Variants in LARGE1 observed in about 807,000 individuals in gnomAD.
LARGE1 encodes xylosyl- and glucuronyltransferase LARGE1.
In LARGE1, 43 loss-of-function variants were observed where a neutral mutation model predicts 87.6. The observed-to-expected ratio is 0.49, with a 90% CI of 0.38 to 0.63. The LOEUF (loss-of-function observed/expected upper bound fraction) is 0.63, where lower values mean the gene tolerates loss of function less well. LARGE1 is among the 30% of genes least tolerant of loss of function. The pLI is 0.00. For missense variants in LARGE1, 802 were observed against 1,000.2 expected, an observed-to-expected ratio of 0.80 and a Z score of 2.67; for synonymous variants, 434 against 394.6, an observed-to-expected ratio of 1.10 and a Z score of -1.18.
chr22:33,499,218 G>C (rs1267530984), intron 6 of LARGE1, among the ~76,000 whole-genome samples: 2 of 152,156 alleles, frequency 1.3e-5, no homozygotes, highest in East Asian at 3.9e-4. Context: ...CCCTGAACAG[G>C]ATTCGCCAAA....
chr22:33,613,446 G>A (rs558232114), intron 4 of LARGE1, among the ~76,000 whole-genome samples: 4 of 152,142 alleles, frequency 2.6e-5, no homozygotes, highest in Admixed American at 6.5e-5. Context: ...CATCCCACAG[G>A]TCCCTGGGAA....
At chr22:33,634,359 TGCCG>T (rs1238636561) in intron 3 of LARGE1, among the ~76,000 whole-genome samples, 1 of 152,196 alleles carries the variant, frequency 6.6e-6, no homozygotes, top group Non-Finnish European at 1.5e-5. Flanking sequence ...ACACTGCTGC[TGCCG>T]GCCCAGGGAC....
At chr22:33,291,975 T>G (rs931487987) in intron 12 of LARGE1, among the ~76,000 whole-genome samples, 1 of 152,122 alleles carries the variant, frequency 6.6e-6, no homozygotes, top group African/African-American at 2.4e-5. Context: ...ACACCTATAA[T>G]CTCAGCTACG....
intron 1 of LARGE1, among the ~76,000 whole-genome samples, chr22:33,847,452 AAC>A (rs1199971031): frequency 4.6e-5 from 7 of 152,256 alleles, no homozygotes; most frequent in Non-Finnish European, 7.3e-5. Context: ...ACATGGGAGT[AAC>A]AGTTTTTTAA....
chr22:33,483,878 A>G (rs1017107894), intron 6 of LARGE1, among the ~76,000 whole-genome samples: 1 of 152,154 alleles, frequency 6.6e-6, no homozygotes, highest in African/African-American at 2.4e-5. Context: ...TTCCCCATGC[A>G]TCTCATCAGC....
chr22:33,450,888 C>T (rs548031575), intron 6 of LARGE1, among the ~76,000 whole-genome samples: 3 of 152,262 alleles, frequency 2.0e-5, no homozygotes, highest in South Asian at 2.1e-4. Context: ...CTGGACGGAT[C>T]CTGGCTTTGT....
intron 1 of LARGE1, among the ~76,000 whole-genome samples, chr22:33,852,860 AAAAAAAAAAAAAAAAAAAAG>A (rs2063640718): frequency 9.5e-6 from 1 of 105,486 alleles, no homozygotes; most frequent in African/African-American, 4.1e-5. Flanking sequence ...CGTCTCCAAA[AAAAAAAAAAAAAAAAAAAAG>A]AAAGAAAGAA....
the LARGE1 span, among the ~76,000 whole-genome samples, chr22:33,124,775 G>T: frequency 6.6e-6 from 1 of 152,288 alleles, no homozygotes; most frequent in Admixed American, 6.5e-5. Context: ...GCCCAGGCAG[G>T]AAGATTGCTT....
chr22:33,671,113 C>T (rs536219871), intron 2 of LARGE1, among the ~76,000 whole-genome samples: 2 of 152,304 alleles, frequency 1.3e-5, no homozygotes, highest in East Asian at 3.9e-4. Flanking sequence ...ACAAGTGGAT[C>T]AGATTCCAGA....
At chr22:33,290,440 T>C (rs1373940090) in intron 12 of LARGE1, among the ~76,000 whole-genome samples, 1 of 152,138 alleles carries the variant, frequency 6.6e-6, no homozygotes, top group Non-Finnish European at 1.5e-5. Flanking sequence ...TAACATGGAA[T>C]ATCTATAAAA....
chr22:33,584,186 G>A (rs193146787), intron 5 of LARGE1, among the ~76,000 whole-genome samples: 2 of 152,324 alleles, frequency 1.3e-5, no homozygotes, highest in African/African-American at 4.8e-5. Flanking sequence ...AGCAGGTAAA[G>A]GAGTTTTGCT....
chr22:33,454,646 A>G (rs906241895), intron 6 of LARGE1, among the ~76,000 whole-genome samples: 1 of 151,476 alleles, frequency 6.6e-6, no homozygotes, highest in African/African-American at 2.4e-5. Flanking sequence ...GAAGAAGAAG[A>G]AAAGAGGTTT....
rs144033780 is a variant in LARGE1, at chr22:33,288,846, C to G, written c.1731-5498G>C. On this transcript the variant is annotated intron_variant, in intron 12 of 14. Transcript: ENST00000397394. ...TCTGACTCCTCTTTGCAGACCAGCT[C>G]CAGTCCCTGCCTATGCACAGGTTCA... 9.1e-3 allele frequency among the ~76,000 whole-genome samples: 1,382 copies of G among 152,262 alleles called. 21 individuals are homozygous for G. The highest frequency in any genetic ancestry group is 0.054 in the South Asian group (259 of 4,812).
intron 6 of LARGE1, among the ~76,000 whole-genome samples, chr22:33,507,542 G>A (rs889662396): frequency 1.3e-5 from 2 of 152,168 alleles, no homozygotes. Context: ...GCTACCAGAA[G>A]CTGGGGGAGG....
intron 9 of LARGE1, among the ~76,000 whole-genome samples, chr22:33,354,002 A>T (rs985190699): frequency 2.0e-5 from 3 of 152,254 alleles, no homozygotes; most frequent in Admixed American, 1.3e-4. Context: ...AGAGGTGGCA[A>T]TGAAAATCTG....
intron 9 of LARGE1, among the ~76,000 whole-genome samples, chr22:33,348,268 G>A (rs896859431): frequency 7.4e-5 from 7 of 94,972 alleles, no homozygotes; most frequent in African/African-American, 1.7e-4. Context: ...CTCTGTCCCC[G>A]CTCCCCCACC....
chr22:33,685,829 A>G (rs1352368519), intron 2 of LARGE1, among the ~76,000 whole-genome samples: 2 of 152,214 alleles, frequency 1.3e-5, no homozygotes, highest in South Asian at 2.1e-4. Context: ...ATGACACTAT[A>G]AAGCAAATAC....
intron 2 of LARGE1, among the ~76,000 whole-genome samples, chr22:33,756,509 G>T (rs73402891): frequency 6.6e-6 from 1 of 152,294 alleles, no homozygotes; most frequent in African/African-American, 2.4e-5. Flanking sequence ...GAGACCCAAG[G>T]ATCTAGGCAG....
intron 3 of LARGE1, among the ~76,000 whole-genome samples, chr22:33,636,306 C>T (rs1008211797): frequency 3.3e-5 from 5 of 152,062 alleles, no homozygotes; most frequent in African/African-American, 9.7e-5. Flanking sequence ...TGGCCTGGTC[C>T]AAAAAGTCCA....
Sources: allele counts gnomAD v4.1 joint callset (sites outside exome capture counted in the v4.1 genomes callset), GRCh38; gene constraint gnomAD v4.1.1; transcripts MANE v1.5; gene names NCBI Gene and HGNC (gene_info 2026-07-23, HGNC 2026-07-21).